NUP98: variants seen among roughly 807,000 people sequenced by gnomAD.
The protein encoded by NUP98 is nucleoporin 98 and 96 precursor, also known as nuclear pore complex protein Nup98-Nup96.
In NUP98, 26 loss-of-function variants were observed where a neutral mutation model predicts 191.9. The ratio of observed to expected loss-of-function variants is 0.14; its 90% CI spans 0.10 to 0.19. The LOEUF is 0.19. Ranked by LOEUF, NUP98 falls within the 10% of genes least tolerant of loss-of-function variation. NUP98 has a pLI of 1.00. For synonymous variants in NUP98, 808 were observed against 778.4 expected (o/e 1.04, Z -0.63); for missense variants, 1,941 against 2,178.8 (o/e 0.89, Z 2.17).
At chr11:3,764,583 A>G (rs1025199351) in intron 8 of NUP98, among the ~76,000 whole-genome samples, 1 of 152,016 alleles carries the variant, frequency 6.6e-6, no homozygotes, top group Admixed American at 6.6e-5. Context: ...TTACTACTGT[A>G]TTTTTTTGTT....
intron 11 of NUP98, among the ~76,000 whole-genome samples, chr11:3,746,269 C>CAAAAAAAAAAAAAAAAAAAAAAAAAA (rs66773761): frequency 2.9e-5 from 1 of 33,926 alleles, no homozygotes; most frequent in Non-Finnish European, 5.4e-5. Context: ...AACTTTATCT[C>CAAAAAAAAAAAAAAAAAAAAAAAAAA]AAAAAAAAAA....
intron 29 of NUP98, among the ~76,000 whole-genome samples, chr11:3,684,189 G>A (rs777699451): frequency 1.3e-5 from 2 of 152,120 alleles, no homozygotes; most frequent in Non-Finnish European, 2.9e-5. Context: ...TCCAGCCTGG[G>A]CGACAAGACC....
intron 14 of NUP98, among the ~76,000 whole-genome samples, chr11:3,725,841 A>C (rs1273166845): frequency 6.6e-6 from 1 of 152,170 alleles, no homozygotes; most frequent in African/African-American, 2.4e-5. Flanking sequence ...ACAGAGTCTC[A>C]CTGTGTCACC....
chr11:3,702,360 CT>C, intron 23 of NUP98, 102 bp downstream of exon 23: 1 of 576,902 alleles, frequency 1.7e-6, no homozygotes, highest in Non-Finnish European at 2.9e-6. Flanking sequence ...CTCTCTCTCT[CT>C]CTCTCTCTAG....
intron 32 of NUP98, 22 bp downstream of exon 32, chr11:3,676,487 A>T: frequency 6.2e-7 from 1 of 1,607,806 alleles, no homozygotes; most frequent in Non-Finnish European, 8.5e-7. Context: ...AGGCAGAAAG[A>T]GTGAGGAGGT....
At chr11:3,693,073 A>C (rs1275708409) in intron 27 of NUP98, 159 bp downstream of exon 27, 1 of 685,048 alleles carries the variant, frequency 1.5e-6, no homozygotes, top group South Asian at 2.1e-5. Context: ...GTGGAATCTC[A>C]TGATATTTAA....
intron 1 of NUP98, among the ~76,000 whole-genome samples, chr11:3,788,109 T>C (rs551833652): frequency 3.2e-4 from 49 of 152,334 alleles, no homozygotes; most frequent in African/African-American, 1.2e-3. Flanking sequence ...CACCTGAGTG[T>C]TTTACCTGTC....
At chr11:3,743,352 G>A (rs2080356359) in intron 12 of NUP98, among the ~76,000 whole-genome samples, 1 of 148,940 alleles carries the variant, frequency 6.7e-6, no homozygotes, top group South Asian at 2.2e-4. Flanking sequence ...AAATTAAAAA[G>A]TAAGTTAATT....
intron 8 of NUP98, 34 bp downstream of exon 8, chr11:3,768,547 A>G: frequency 6.8e-7 from 1 of 1,479,682 alleles, no homozygotes; most frequent in South Asian, 1.5e-5. Flanking sequence ...TCTAAAAATA[A>G]GACATGGAGG....
At chr11:3,698,751 A>AAAAG in intron 25 of NUP98, among the ~76,000 whole-genome samples, 1 of 144,714 alleles carries the variant, frequency 6.9e-6, no homozygotes, top group African/African-American at 2.5e-5. Flanking sequence ...AAAAAAAAAA[A>AAAAG]GTCATGGTTC....
chr11:3,722,434 TCTTTC>T, intron 16 of NUP98, among the ~76,000 whole-genome samples: 1 of 151,878 alleles, frequency 6.6e-6, no homozygotes, highest in African/African-American at 2.4e-5. Flanking sequence ...AGTATAAACT[TCTTTC>T]CTTATGATAC....
chr11:3,727,233 A>G (rs2079654042), intron 14 of NUP98, among the ~76,000 whole-genome samples: 1 of 152,114 alleles, frequency 6.6e-6, no homozygotes, highest in Non-Finnish European at 1.5e-5. Context: ...CACGTACTTG[A>G]GAGGCTGAGC....
At chr11:3,766,617 A>G (rs536726037) in intron 8 of NUP98, among the ~76,000 whole-genome samples, 11 of 146,944 alleles carry the variant, frequency 7.5e-5, no homozygotes, top group African/African-American at 2.6e-4. Context: ...TGAACCCAGG[A>G]GGCAGAGGCT....
At chr11:3,718,240 C>G (rs2079257695) in intron 18 of NUP98, among the ~76,000 whole-genome samples, 1 of 152,022 alleles carries the variant, frequency 6.6e-6, no homozygotes, top group African/African-American at 2.4e-5. Context: ...GAGTCAATCT[C>G]TTTACTAATT....
rs750956462 is a variant in NUP98, at chr11:3,683,419, C to T, written c.4699G>A (p.Glu1567Lys). The change falls in exon 30 of 33, where the codon GAG (glutamate) becomes AAG (lysine). Residue 1567 changes from glutamate (E) to lysine (K), a missense_variant. Coordinates refer to ENST00000324932, the MANE Select transcript of NUP98 (RefSeq NM_016320.5). Reference protein sequence around the residue: ...NSGIREKAVRELLTRHCQLLE... With the variant: ...NSGIREKAVRKLLTRHCQLLE... Reference sequence around the variant, plus strand: ...AGCTGGCAGTGCCGGGTAAGCAGCTCTCGAACAGCCTTCTCACGTATGCTA... The same window carrying T: ...AGCTGGCAGTGCCGGGTAAGCAGCTTTCGAACAGCCTTCTCACGTATGCTA... 6.2e-7 allele frequency: 1 copy of T among 1,614,124 alleles called. No homozygotes were observed. Among genetic ancestry groups the T allele is most frequent in the Non-Finnish European group, 8.5e-7 (1 of 1,180,040 alleles).
chr11:3,788,612 A>G (rs966334224), intron 1 of NUP98, among the ~76,000 whole-genome samples: 1 of 151,848 alleles, frequency 6.6e-6, no homozygotes, highest in South Asian at 2.1e-4. Context: ...TAAATAAATA[A>G]ATTTCTAAAA....
intron 1 of NUP98, among the ~76,000 whole-genome samples, chr11:3,793,117 AC>A (rs2082411163): frequency 6.6e-6 from 1 of 152,202 alleles, no homozygotes; most frequent in Admixed American, 6.5e-5. Flanking sequence ...TCTCAAAAAA[AC>A]AAACAAATAA....
chr11:3,768,051 A>T (rs533471439), intron 8 of NUP98, among the ~76,000 whole-genome samples: 1 of 152,192 alleles, frequency 6.6e-6, no homozygotes, highest in Non-Finnish European at 1.5e-5. Flanking sequence ...TTCAGAAAGG[A>T]TAAGTGATCG....
At chr11:3,743,820 G>A (rs558574455) in intron 12 of NUP98, among the ~76,000 whole-genome samples, 253 of 151,924 alleles carry the variant, frequency 1.7e-3, no homozygotes, top group African/African-American at 4.8e-3. Context: ...TTGGGAGGCC[G>A]AGGTGGGCGG....
Sources: gnomAD v4.1 joint callset for allele counts (sites outside exome capture counted in the v4.1 genomes callset) on GRCh38, gnomAD v4.1.1 for gene constraint, MANE v1.5 for transcripts, NCBI Gene and HGNC (gene_info 2026-07-23, HGNC 2026-07-21) for gene names.